NRG1: variants seen among roughly 807,000 people sequenced by gnomAD.
NRG1 encodes the protein pro-neuregulin-1, membrane-bound isoform.
Under a neutral mutation model 63.8 loss-of-function variants are expected in NRG1, and 18 were observed. The ratio of observed to expected loss-of-function variants is 0.28; its 90% CI spans 0.19 to 0.42. NRG1 has a LOEUF of 0.42. Among genes scored for constraint, NRG1 ranks in the 10% least tolerant of loss-of-function variants. The pLI is 1.00. For synonymous variants in NRG1, 302 were observed against 301.3 expected, an observed-to-expected ratio of 1.00 and a Z score of -0.02; for missense variants, 762 against 814.7, an observed-to-expected ratio of 0.94 and a Z score of 0.79.
intron 1 of NRG1, among the ~76,000 whole-genome samples, chr8:32,122,827 A>G (rs575680620): frequency 7.0e-6 from 1 of 143,258 alleles, no homozygotes; most frequent in African/African-American, 2.6e-5. Flanking sequence ...TCCTGTGTCC[A>G]TGTGTTCTCA....
At chr8:32,183,151 G>C (rs1001029495) in intron 1 of NRG1, among the ~76,000 whole-genome samples, 1 of 152,178 alleles carries the variant, frequency 6.6e-6, no homozygotes, top group African/African-American at 2.4e-5. Flanking sequence ...TTGCTGGATG[G>C]TGGAGCTGGG....
intron 1 of NRG1, among the ~76,000 whole-genome samples, chr8:32,249,334 C>T (rs2129470192): frequency 6.6e-6 from 1 of 152,156 alleles, no homozygotes; most frequent in Middle Eastern, 3.4e-3. Flanking sequence ...GACATGTAGA[C>T]ATTAAAGCAG....
At chr8:32,400,967 A>C (rs185423050) in intron 1 of NRG1, among the ~76,000 whole-genome samples, 3 of 152,364 alleles carry the variant, frequency 2.0e-5, no homozygotes, top group Admixed American at 2.0e-4. Flanking sequence ...AGCCATAAAA[A>C]TGAATGGGAT....
rs188934041 is a variant in NRG1 at position 32,069,195 on chromosome 8, G to A, written c.37+429764G>A. 5.3e-5 allele frequency among the ~76,000 whole-genome samples: 8 copies of A among 152,264 alleles called. No homozygotes were observed. The East Asian group carries it at 1.4e-3, about 26-fold the overall frequency. On this transcript the variant is annotated intron_variant, in intron 1 of 10. Coordinates refer to the NRG1 transcript ENST00000519301. ...CTGGAAGTCTTTTAGAGTTCAAAGT[G>A]AACTTATCTGAGTTTGACAAATAAT...
At chr8:31,893,688 A>T (rs1318006621) in intron 1 of NRG1, among the ~76,000 whole-genome samples, 1 of 38,790 alleles carries the variant, frequency 2.6e-5, no homozygotes, top group Non-Finnish European at 4.8e-5. Flanking sequence ...TTCTATGATT[A>T]AAGTGGTCAA....
intron 1 of NRG1, among the ~76,000 whole-genome samples, chr8:31,759,135 T>C (rs1817272985): frequency 1.3e-5 from 2 of 152,144 alleles, no homozygotes; most frequent in South Asian, 2.1e-4. Context: ...TCCTTACGTA[T>C]TGTGGATATG....
chr8:31,656,760 A>G (rs1323809787), intron 1 of NRG1, among the ~76,000 whole-genome samples: 2 of 152,208 alleles, frequency 1.3e-5, no homozygotes, highest in African/African-American at 4.8e-5. Context: ...CCTTTCAGTG[A>G]CAAATTATTG....
chr8:32,647,220 C>A (rs1853772512), intron 5 of NRG1: 1 of 985,274 alleles, frequency 1.0e-6, no homozygotes, highest in Non-Finnish European at 1.2e-6. Flanking sequence ...GCTATTGTCA[C>A]TACTGCCTCT....
At chr8:32,036,697 A>T (rs570072261) in intron 1 of NRG1, among the ~76,000 whole-genome samples, 30 of 152,188 alleles carry the variant, frequency 2.0e-4, no homozygotes, top group African/African-American at 6.7e-4. Context: ...AAGCTCTGAT[A>T]TCCTTTTTTT....
chr8:31,817,776 G>A (rs1023977903), intron 1 of NRG1, among the ~76,000 whole-genome samples: 18 of 152,180 alleles, frequency 1.2e-4, no homozygotes, highest in African/African-American at 4.3e-4. Context: ...ATGGAAATGT[G>A]ACATGTTTTA....
At chr8:31,680,554 G>A (rs1337784549) in intron 1 of NRG1, among the ~76,000 whole-genome samples, 1 of 150,276 alleles carries the variant, frequency 6.7e-6, no homozygotes. Flanking sequence ...TGGACATTTG[G>A]GTTGGTTCCA....
chr8:32,190,883 G>A (rs957505729), intron 1 of NRG1, among the ~76,000 whole-genome samples: 2 of 152,144 alleles, frequency 1.3e-5, no homozygotes, highest in African/African-American at 4.8e-5. Context: ...GCCTGCAGAT[G>A]TAATAGGGGA....
At chr8:32,282,886 T>C (rs975665602) in intron 1 of NRG1, among the ~76,000 whole-genome samples, 39 of 152,168 alleles carry the variant, frequency 2.6e-4, no homozygotes, top group African/African-American at 9.1e-4. Context: ...AAGGGGAAAA[T>C]AGAAGACAGG....
chr8:31,905,598 A>T (rs1267745937), intron 1 of NRG1, among the ~76,000 whole-genome samples: 1 of 152,204 alleles, frequency 6.6e-6, no homozygotes, highest in African/African-American at 2.4e-5. Context: ...TGGCTGTCTC[A>T]GTAGGCTGCA....
At chr8:32,354,712 GTAAA>G (rs10569340) in intron 1 of NRG1, among the ~76,000 whole-genome samples, 37,766 of 142,128 alleles carry the variant, frequency 0.27, 5,167 homozygotes, top group Non-Finnish European at 0.3. Flanking sequence ...CTTGTCTCTA[GTAAA>G]TAAATAAATA....
chr8:32,175,908 A>C (rs890576770), intron 1 of NRG1, among the ~76,000 whole-genome samples: 54 of 152,254 alleles, frequency 3.5e-4, no homozygotes, highest in Middle Eastern at 3.4e-3. Context: ...CCATACTGCC[A>C]AAGGTAATTT....
chr8:32,191,491 T>G (rs1250093422), intron 1 of NRG1, among the ~76,000 whole-genome samples: 1 of 152,186 alleles, frequency 6.6e-6, no homozygotes, highest in Non-Finnish European at 1.5e-5. Flanking sequence ...CCTTCCTATG[T>G]TGGTAAGAAT....
intron 5 of NRG1, among the ~76,000 whole-genome samples, chr8:32,641,787 G>T (rs1852445126): frequency 6.6e-6 from 1 of 152,120 alleles, no homozygotes; most frequent in South Asian, 2.1e-4. Flanking sequence ...TTTTCACTGG[G>T]TAAGAATAAT....
Position 32,653,276 on chromosome 8 carries a change from T to A in NRG1, c.502+36391T>A, listed in dbSNP as rs541934463. On this transcript the variant is annotated intron_variant, in intron 5 of 11. Transcript: ENST00000356819. ...CAGGGAGCTTATGTTCTAGTGGATT[T>A]TAAGAATCTAATTGCATAATGCAAT... is the stretch of plus-strand genomic sequence containing the variant. Among the ~76,000 whole-genome samples the A allele has an allele frequency of 2.6e-5, 4 of 152,216 alleles. No individual in the cohort carries two copies. In the South Asian group the frequency reaches 8.3e-4, roughly 31 times the overall value.
Sources: gnomAD v4.1 joint callset for allele counts (sites outside exome capture counted in the v4.1 genomes callset) on GRCh38, gnomAD v4.1.1 for gene constraint, MANE v1.5 for transcripts, NCBI Gene and HGNC (gene_info 2026-07-23, HGNC 2026-07-21) for gene names.